MARCHF7: variants seen among roughly 807,000 people sequenced by gnomAD.
MARCHF7 encodes E3 ubiquitin-protein ligase MARCHF7.
Under a neutral mutation model 76.5 loss-of-function variants are expected in MARCHF7, and 20 were observed. That is an observed-to-expected ratio of 0.26 (90% CI 0.18 to 0.38). MARCHF7 has a LOEUF of 0.38. Ranked by LOEUF, MARCHF7 falls within the 10% of genes least tolerant of loss-of-function variation. The pLI is 1.00. For synonymous variants in MARCHF7, 295 were observed against 293.0 expected (o/e 1.01, Z -0.07); for missense variants, 797 against 812.9 (o/e 0.98, Z 0.24).
At chr2:159,724,992 T>G (rs1475654809) in intron 3 of MARCHF7, among the ~76,000 whole-genome samples, 1 of 152,174 alleles carries the variant, frequency 6.6e-6, no homozygotes, top group Non-Finnish European at 1.5e-5. Context: ...TTCATCTATG[T>G]CCCTACAAAG....
At chr2:159,740,666 A>C (rs1177535678) in intron 4 of MARCHF7, among the ~76,000 whole-genome samples, 1 of 152,180 alleles carries the variant, frequency 6.6e-6, no homozygotes, top group African/African-American at 2.4e-5. Context: ...TGTCTGTAAT[A>C]TTAGGTACAG....
intron 4 of MARCHF7, among the ~76,000 whole-genome samples, chr2:159,740,096 A>T (rs1193053540): frequency 6.6e-6 from 1 of 152,158 alleles, no homozygotes; most frequent in Non-Finnish European, 1.5e-5. Flanking sequence ...ATGAATTTTT[A>T]TCTTTTATAA....
chr2:159,733,555 A>AG (rs1440625516), intron 4 of MARCHF7: 15 of 984,596 alleles, frequency 1.5e-5, no homozygotes, highest in Non-Finnish European at 1.7e-5. Context: ...ACATTAAAAA[A>AG]AAAAAAAAAA....
intron 6 of MARCHF7, among the ~76,000 whole-genome samples, chr2:159,746,468 G>A (rs949901943): frequency 1.3e-5 from 2 of 152,166 alleles, no homozygotes; most frequent in Middle Eastern, 3.2e-3. Context: ...ATGGCACGAC[G>A]TCAGCTCACT....
At chr2:159,743,679 C>T (rs935327382) in intron 5 of MARCHF7, among the ~76,000 whole-genome samples, 18 of 151,556 alleles carry the variant, frequency 1.2e-4, no homozygotes, top group Non-Finnish European at 8.8e-5. Context: ...GCAGGATGAT[C>T]GCTTGAGGCC....
chr2:159,763,044 T>A, intron 10 of MARCHF7, 51 bp downstream of exon 10: 1 of 1,161,674 alleles, frequency 8.6e-7, no homozygotes, highest in Non-Finnish European at 1.3e-6. Context: ...AGCAAGTGTA[T>A]GCCTTGGAAA....
chr2:159,759,372 C>T, intron 9 of MARCHF7, 37 bp downstream of exon 9: 1 of 1,106,862 alleles, frequency 9.0e-7, no homozygotes, highest in Admixed American at 1.9e-5. Flanking sequence ...AGTGTCTATT[C>T]TATGCTTCAA....
chr2:159,765,187 T>G (rs116286695), intron 11 of MARCHF7, among the ~76,000 whole-genome samples: 1,572 of 148,556 alleles, frequency 0.011, 24 homozygotes, highest in African/African-American at 0.036. Flanking sequence ...TTTTTTGTTG[T>G]TGGTGGTGGT....
chr2:159,714,457 T>A (rs543443170), intron 1 of MARCHF7, 100 bp from the exon 2 acceptor site: 1 of 152,268 alleles, frequency 6.6e-6, no homozygotes, highest in South Asian at 2.1e-4. Flanking sequence ...TCTTGGAAAT[T>A]TTACAGGATT....
chr2:159,736,712 A>G (rs369572838), intron 4 of MARCHF7, among the ~76,000 whole-genome samples: 18 of 152,332 alleles, frequency 1.2e-4, no homozygotes, highest in African/African-American at 2.9e-4. Flanking sequence ...CTCTTGTTGG[A>G]AAGGTGGTAT....
chr2:159,715,752 T>C lies in MARCHF7; in HGVS notation c.-29T>C, dbSNP rs1485219092. 1.3e-5 allele frequency: 2 copies of C among 152,206 alleles called. No homozygotes were observed. Among genetic ancestry groups the C allele is most frequent in the African/African-American group, 2.4e-5 (1 of 41,466 alleles). 9.4% of individuals were successfully genotyped at this position (152,206 alleles called of 1,614,324 possible). On this transcript the variant is annotated 5_prime_UTR_variant, in exon 3 of 12. Transcript: ENST00000409175. ...GCCCTCAAATATATTTCTCTGACTC[T>C]ACCGGTTAGACTAGGTAAGTTGAAC...
chr2:159,737,131 A>G (rs1036010734), intron 4 of MARCHF7, among the ~76,000 whole-genome samples: 13 of 152,222 alleles, frequency 8.5e-5, no homozygotes, highest in African/African-American at 2.9e-4. Flanking sequence ...CTAGTTTCAT[A>G]CGAGTGCTCA....
intron 3 of MARCHF7, among the ~76,000 whole-genome samples, chr2:159,725,133 C>T (rs1161634782): frequency 3.9e-5 from 6 of 152,178 alleles, no homozygotes; most frequent in African/African-American, 7.2e-5. Context: ...AGTAGTGCCA[C>T]AGTAAACATA....
chr2:159,731,132 A>G (rs1420050070), intron 4 of MARCHF7, among the ~76,000 whole-genome samples: 5 of 152,110 alleles, frequency 3.3e-5, no homozygotes, highest in Non-Finnish European at 7.4e-5. Context: ...GGGCTCAACC[A>G]TTCTGCCCAC....
At chr2:159,763,270 A>G (rs1222265067) in intron 10 of MARCHF7, among the ~76,000 whole-genome samples, 1 of 152,234 alleles carries the variant, frequency 6.6e-6, no homozygotes, top group Non-Finnish European at 1.5e-5. Flanking sequence ...AATTGGAAAC[A>G]TCGAGGGAAA....
At chr2:159,713,112 C>T (rs578244279) in intron 1 of MARCHF7, among the ~76,000 whole-genome samples, 8 of 152,182 alleles carry the variant, frequency 5.3e-5, no homozygotes, top group Non-Finnish European at 1.2e-4. Flanking sequence ...TTCGGTAGCC[C>T]CTTAGATTCG....
intron 9 of MARCHF7, among the ~76,000 whole-genome samples, chr2:159,761,027 A>G (rs1335400371): frequency 7.1e-6 from 1 of 139,874 alleles, no homozygotes; most frequent in Non-Finnish European, 1.6e-5. Flanking sequence ...TAACCATTTA[A>G]TTTTTTTTTT....
At chr2:159,728,654 TG>T (rs1702436583) in intron 3 of MARCHF7, among the ~76,000 whole-genome samples, 1 of 152,324 alleles carries the variant, frequency 6.6e-6, no homozygotes, top group African/African-American at 2.4e-5. Context: ...ACAACAGGTA[TG>T]ATCATTGAAC....
intron 6 of MARCHF7, 74 bp from the exon 7 acceptor site, chr2:159,747,731 C>G (rs936708167): frequency 8.5e-5 from 119 of 1,406,580 alleles, no homozygotes; most frequent in Non-Finnish European, 1.1e-4. Flanking sequence ...TTCGTTTTGG[C>G]ATTCAACATA....
Sources: allele counts gnomAD v4.1 joint callset (sites outside exome capture counted in the v4.1 genomes callset), GRCh38; gene constraint gnomAD v4.1.1; transcripts MANE v1.5; gene names NCBI Gene and HGNC (gene_info 2026-07-23, HGNC 2026-07-21).